The following UBE2H variants were observed in gnomAD, a reference collection of about 807,000 sequenced individuals.
UBE2H encodes ubiquitin conjugating enzyme E2 H.
In UBE2H, 3 loss-of-function variants were observed where a neutral mutation model predicts 29.0. That is an observed-to-expected ratio of 0.10 (90% CI 0.05 to 0.27). The LOEUF (loss-of-function observed/expected upper bound fraction) is 0.27. Ranked by LOEUF, UBE2H falls within the 10% of genes least tolerant of loss-of-function variation. The pLI is 1.00. For synonymous variants in UBE2H, 69 were observed against 82.9 expected (o/e 0.83, Z 0.91); for missense variants, 68 against 228.2 (o/e 0.30, Z 4.52).
intron 1 of UBE2H, among the ~76,000 whole-genome samples, chr7:129,894,172 G>A (rs1397076133): frequency 6.6e-6 from 1 of 151,992 alleles, no homozygotes; most frequent in Non-Finnish European, 1.5e-5. Flanking sequence ...TAATAAATGG[G>A]ACCAGGTGCA....
At chr7:129,867,721 AACC>A (rs1563027557) in intron 3 of UBE2H, among the ~76,000 whole-genome samples, 8 of 76,646 alleles carry the variant, frequency 1.0e-4, no homozygotes, top group African/African-American at 1.7e-4. Context: ...AAAAAAAGAA[AACC>A]AAAAAAAAAA....
intron 1 of UBE2H, among the ~76,000 whole-genome samples, chr7:129,934,939 A>G (rs1807491779): frequency 1.3e-5 from 2 of 149,888 alleles, no homozygotes; most frequent in Non-Finnish European, 3.0e-5. Context: ...GTGTATATAT[A>G]TATATATGTG....
intron 1 of UBE2H, among the ~76,000 whole-genome samples, chr7:129,946,031 C>CCA (rs1807754896): frequency 6.6e-6 from 1 of 150,964 alleles, no homozygotes; most frequent in Admixed American, 6.7e-5. Context: ...TAGGCATGAG[C>CCA]CACTGTGCCC....
intron 1 of UBE2H, among the ~76,000 whole-genome samples, chr7:129,915,840 A>G (rs1807033707): frequency 6.6e-6 from 1 of 152,158 alleles, no homozygotes; most frequent in South Asian, 2.1e-4. Context: ...TTGTATCTCA[A>G]AATCCATAAA....
intron 1 of UBE2H, among the ~76,000 whole-genome samples, chr7:129,898,164 T>C (rs1806637073): frequency 6.6e-6 from 1 of 152,160 alleles, no homozygotes; most frequent in Non-Finnish European, 1.5e-5. Flanking sequence ...GAGGTGAAAG[T>C]AGACTGTATC....
intron 1 of UBE2H, among the ~76,000 whole-genome samples, chr7:129,916,040 C>G (rs1207495666): frequency 1.3e-5 from 2 of 152,196 alleles, no homozygotes; most frequent in Non-Finnish European, 2.9e-5. Context: ...CCATAAAACC[C>G]TCTGAATCTT....
chr7:129,867,700 AAAAAAAAAAAAAAAAAAGAAAACC>A (rs1241252435), intron 3 of UBE2H, among the ~76,000 whole-genome samples: 1,288 of 45,330 alleles, frequency 0.028, 46 homozygotes, highest in African/African-American at 0.1. Flanking sequence ...AGAGTATAAT[AAAAAAAAAAAAAAAAAAGAAAACC>A]AAAAAAAAAA....
At chr7:129,942,942 AAGCAATTCTCCTGCCTCAGCCTCCTG>A in intron 1 of UBE2H, among the ~76,000 whole-genome samples, 1 of 152,076 alleles carries the variant, frequency 6.6e-6, no homozygotes, top group South Asian at 2.1e-4. Flanking sequence ...TCCCAGGTTC[AAGCAATTCTCCTGCCTCAGCCTCCTG>A]AGTAGCTGGG....
intron 1 of UBE2H, among the ~76,000 whole-genome samples, chr7:129,920,751 A>G (rs1303330143): frequency 1.3e-5 from 2 of 150,970 alleles, no homozygotes; most frequent in Non-Finnish European, 3.0e-5. Flanking sequence ...CAACTGGGAA[A>G]TGGATGCTGT....
intron 1 of UBE2H, among the ~76,000 whole-genome samples, chr7:129,917,776 A>T (rs1242078661): frequency 3.3e-5 from 5 of 152,208 alleles, no homozygotes; most frequent in African/African-American, 7.2e-5. Flanking sequence ...AACAACTTTG[A>T]ACTGTAAGGT....
rs540578917 is a variant in UBE2H, at chr7:129,895,649, G to A, written c.54-14678C>T. On this transcript the variant is annotated intron_variant, in intron 1 of 6. Coordinates refer to ENST00000355621, the MANE Select transcript of UBE2H (RefSeq NM_003344.4). ...GGCACGGTGGCTCACACCTGTAATC[G>A]CAGCACTTTGGGAGGTCAAGGCGGG... Among the ~76,000 whole-genome samples, 43 of 152,020 alleles carry A rather than the reference G, an allele frequency of 2.8e-4. No homozygotes were observed. The East Asian group carries it at 7.5e-3, about 27-fold the overall frequency.
rs557565664 is a variant in UBE2H at position 129,846,552 on chromosome 7, T to C, written c.299-7217A>G. Among the ~76,000 whole-genome samples the C allele has an allele frequency of 3.9e-5, 4 of 102,084 alleles. No homozygotes were observed. In the Admixed American group the frequency reaches 4.7e-4, roughly 12 times the overall value. The allele number at this position is 102,084 out of a possible 152,430, so 67.0% of individuals were successfully genotyped here. A position where few individuals can be genotyped will look rare whatever the true frequency, so the allele number is the denominator to read the frequency against. On this transcript the variant is annotated intron_variant, in intron 5 of 6. Transcript: ENST00000355621. ...CAGCCTGGGTGACAAAGCAAGACCC[T>C]CTCTCTACCACCCCCCACTCAAAAA...
chr7:129,933,884 T>C (rs1584795572), intron 1 of UBE2H, among the ~76,000 whole-genome samples: 2 of 152,220 alleles, frequency 1.3e-5, no homozygotes, highest in Non-Finnish European at 2.9e-5. Flanking sequence ...AGATCCACTG[T>C]GATAAGGACT....
chr7:129,882,998 C>A (rs1327962785), intron 1 of UBE2H, among the ~76,000 whole-genome samples: 4 of 151,918 alleles, frequency 2.6e-5, no homozygotes, highest in Admixed American at 2.6e-4. Flanking sequence ...GAAAAAAATA[C>A]AAATACCCCA....
intron 1 of UBE2H, among the ~76,000 whole-genome samples, chr7:129,911,559 G>C (rs930220033): frequency 6.6e-6 from 1 of 152,100 alleles, no homozygotes; most frequent in East Asian, 1.9e-4. Context: ...TCGTCTTGGA[G>C]AGATATTTGG....
intron 1 of UBE2H, among the ~76,000 whole-genome samples, chr7:129,945,506 A>C (rs1807744237): frequency 6.6e-6 from 1 of 152,196 alleles, no homozygotes; most frequent in Non-Finnish European, 1.5e-5. Flanking sequence ...AACGATACCA[A>C]CTAAAACACA....
intron 3 of UBE2H, chr7:129,865,036 T>C (rs1805875346): frequency 2.3e-6 from 1 of 440,990 alleles, no homozygotes; most frequent in African/African-American, 2.0e-5. Context: ...CTGCGTCTTT[T>C]AGCAGAAGGG....
intron 1 of UBE2H, among the ~76,000 whole-genome samples, chr7:129,908,846 G>A (rs1806872983): frequency 6.6e-6 from 1 of 152,192 alleles, no homozygotes; most frequent in Non-Finnish European, 1.5e-5. Flanking sequence ...GGTCACAAGA[G>A]GGGAATAAGG....
At chr7:129,859,799 C>T (rs910109948) in intron 3 of UBE2H, among the ~76,000 whole-genome samples, 1 of 152,216 alleles carries the variant, frequency 6.6e-6, no homozygotes, top group African/African-American at 2.4e-5. Flanking sequence ...CTGTTCCACA[C>T]TTTCAATATC....
Sources: allele counts gnomAD v4.1 joint callset (sites outside exome capture counted in the v4.1 genomes callset), GRCh38; gene constraint gnomAD v4.1.1; transcripts MANE v1.5; gene names NCBI Gene and HGNC (gene_info 2026-07-23, HGNC 2026-07-21).